Variants in UNC13B observed in about 807,000 individuals in gnomAD.
UNC13B encodes unc-13 homolog B, also known as protein unc-13 homolog B.
UNC13B carries 144 observed loss-of-function variants against 211.0 expected under a neutral mutation model. That is an observed-to-expected ratio of 0.68 (90% CI 0.60 to 0.78). The LOEUF (loss-of-function observed/expected upper bound fraction) is 0.78. Among genes scored for constraint, UNC13B ranks in the 30% least tolerant of loss-of-function variants. The probability of loss-of-function intolerance (pLI) is 0.00; values close to 1 mark genes in which losing one functional copy is unlikely to be tolerated. For missense variants in UNC13B, 1,777 were observed against 2,002.0 expected (o/e 0.89, Z 2.14); for synonymous variants, 709 against 725.8 (o/e 0.98, Z 0.37).
At chr9:35,396,089 A>C (rs1835854590) in intron 26 of UNC13B, among the ~76,000 whole-genome samples, 1 of 152,214 alleles carries the variant, frequency 6.6e-6, no homozygotes, top group African/African-American at 2.4e-5. Context: ...TACTGTGATC[A>C]GAAAGGCCCT....
chr9:35,195,937 T>C (rs1207472971), intron 1 of UNC13B, among the ~76,000 whole-genome samples: 1 of 152,228 alleles, frequency 6.6e-6, no homozygotes, highest in Non-Finnish European at 1.5e-5. Context: ...TATAGCTGAA[T>C]ATGCAAATTA....
chr9:35,187,068 C>A (rs1053691587), intron 1 of UNC13B, among the ~76,000 whole-genome samples: 1 of 152,138 alleles, frequency 6.6e-6, no homozygotes, highest in Non-Finnish European at 1.5e-5. Flanking sequence ...AATTCTCTGT[C>A]CGATATTCCG....
chr9:35,265,965 C>G (rs62543195), intron 7 of UNC13B, among the ~76,000 whole-genome samples: 1 of 152,092 alleles, frequency 6.6e-6, no homozygotes, highest in African/African-American at 2.4e-5. Context: ...GCTGGGACCA[C>G]AGTCATGTGT....
In UNC13B at chr9:35,237,740, C is replaced by T. The variant is rs140811719; in HGVS notation, c.308C>T (p.Thr103Met). Residue 103 changes from threonine to methionine, a missense_variant, in exon 5 of 40, where the codon ACG (threonine) becomes ATG (methionine). Thr to Met is a moderately conservative substitution (Grantham distance 81). Coordinates refer to ENST00000635942, the MANE Select transcript of UNC13B (RefSeq NM_001371189.2). ...PGEWSTLEAE[T>M]LMKDDEICGT... ...GAATGGTCCACATTAGAGGCAGAGACGTTAATGAAAGACGATGAGATCTGT... is the reference window on the plus strand; with the variant it reads ...GAATGGTCCACATTAGAGGCAGAGATGTTAATGAAAGACGATGAGATCTGT... 9.5e-5 allele frequency: 153 copies of T among 1,613,852 alleles called. 1 individual carries two copies. In the East Asian group the frequency reaches 1.8e-3, roughly 19 times the overall value.
chr9:35,328,598 C>CCCTTCCTTCCTTCCTT (rs34586347), intron 11 of UNC13B, among the ~76,000 whole-genome samples: 12 of 98,710 alleles, frequency 1.2e-4, no homozygotes, highest in Admixed American at 3.0e-4. Flanking sequence ...CTGAATTGTC[C>CCCTTCCTTCCTTCCTT]CCTTCCTTCC....
chr9:35,368,184 T>A (rs1833895792), intron 12 of UNC13B, among the ~76,000 whole-genome samples: 1 of 152,222 alleles, frequency 6.6e-6, no homozygotes, highest in Non-Finnish European at 1.5e-5. Context: ...TAACAATAGT[T>A]ATTTTTTCTG....
rs548043959 is a variant in UNC13B at position 35,357,705 on chromosome 9, T to G, written c.9415-9242T>G. 2.2e-3 allele frequency among the ~76,000 whole-genome samples: 339 copies of G among 152,046 alleles called. 2 individuals carry two copies. Among genetic ancestry groups the G allele is most frequent in the African/African-American group, 7.7e-3 (321 of 41,482 alleles). ...AAATTTGAGACCAGCCTGGCCAACA[T>G]AGTGAGACCTTGTCTTTACTAAAAA... On this transcript the variant is annotated intron_variant, in intron 11 of 39. Transcript: ENST00000635942.
chr9:35,268,415 C>T (rs536041960), intron 7 of UNC13B, among the ~76,000 whole-genome samples: 2 of 152,216 alleles, frequency 1.3e-5, no homozygotes, highest in Admixed American at 6.5e-5. Context: ...GTCAAGAGAT[C>T]GAGACCATCC....
At position 35,304,892 on chromosome 9, in the gene UNC13B, C is replaced by A; in HGVS notation, c.5488C>A (p.His1830Asn). ...AAGACAGATAGTATCCAATGTTCAG[C>A]ATCCAGAATTGATCAAAAATATAAG... ...SERQIVSNVQHPELIKNIRQE... is the reference protein window; with the variant it reads ...SERQIVSNVQNPELIKNIRQE... Residue 1830 changes from histidine (H) to asparagine (N), a missense_variant, in exon 9 of 40, where the codon CAT becomes AAT. Transcript: ENST00000635942. The A allele has an allele frequency of 2.5e-6, 1 of 398,962 alleles. No homozygotes were observed. The highest frequency in any genetic ancestry group is 1.3e-4 in the South Asian group (1 of 7,860). 24.7% of individuals were successfully genotyped at this position (398,962 alleles called of 1,614,324 possible).
chr9:35,176,645 G>T (rs1443630947), intron 1 of UNC13B, among the ~76,000 whole-genome samples: 1 of 152,178 alleles, frequency 6.6e-6, no homozygotes, highest in Non-Finnish European at 1.5e-5. Context: ...TTCCTTCTTG[G>T]AAGTTTATAT....
At chr9:35,296,476 C>T (rs12337082) in intron 8 of UNC13B, among the ~76,000 whole-genome samples, 3,948 of 152,290 alleles carry the variant, frequency 0.026, 173 homozygotes, top group African/African-American at 0.088. Flanking sequence ...CCTTCCTCCA[C>T]CCCATCTTCT....
intron 13 of UNC13B, among the ~76,000 whole-genome samples, chr9:35,370,852 TA>T (rs769769272): frequency 8.5e-5 from 13 of 152,222 alleles, no homozygotes; most frequent in Non-Finnish European, 1.3e-4. Flanking sequence ...ACTATCTCTG[TA>T]ACCTAGTGTC....
intron 1 of UNC13B, among the ~76,000 whole-genome samples, chr9:35,168,023 G>A (rs560260010): frequency 3.7e-4 from 55 of 150,450 alleles, no homozygotes; most frequent in Middle Eastern, 3.6e-3. Context: ...GGCTCAATCT[G>A]TCCTCCCATC....
At chr9:35,355,312 T>G (rs186661524) in intron 11 of UNC13B, among the ~76,000 whole-genome samples, 1 of 152,220 alleles carries the variant, frequency 6.6e-6, no homozygotes, top group East Asian at 1.9e-4. Context: ...ACAAATGGAA[T>G]GGGAGGGAGA....
intron 11 of UNC13B, among the ~76,000 whole-genome samples, chr9:35,329,774 G>A (rs1239598924): frequency 6.6e-6 from 1 of 152,078 alleles, no homozygotes; most frequent in Non-Finnish European, 1.5e-5. Flanking sequence ...CACCACGCCT[G>A]GTCAAAAATA....
At chr9:35,227,486 G>A (rs1564079202) in intron 1 of UNC13B, among the ~76,000 whole-genome samples, 1 of 152,118 alleles carries the variant, frequency 6.6e-6, no homozygotes, top group African/African-American at 2.4e-5. Context: ...TCCAGTGTGG[G>A]ATTCTTTCCT....
chr9:35,308,475 A>G (rs1313299808), intron 9 of UNC13B, 63 bp downstream of exon 9: 4 of 397,944 alleles, frequency 1.0e-5, no homozygotes, highest in Non-Finnish European at 1.8e-5. Context: ...GATGCAAGTG[A>G]CTTAGTGGTA....
chr9:35,251,351 C>T (rs1350508789), intron 6 of UNC13B, among the ~76,000 whole-genome samples: 1 of 152,104 alleles, frequency 6.6e-6, no homozygotes, highest in Non-Finnish European at 1.5e-5. Context: ...TCTGGGGGGG[C>T]CGAGGTGGTC....
intron 8 of UNC13B, among the ~76,000 whole-genome samples, chr9:35,298,360 A>G (rs1027827459): frequency 6.6e-6 from 1 of 152,174 alleles, no homozygotes; most frequent in Non-Finnish European, 1.5e-5. Flanking sequence ...GGTCGAAGCT[A>G]TAGTATGCCA....
Sources: gnomAD v4.1 joint callset for allele counts (sites outside exome capture counted in the v4.1 genomes callset) on GRCh38, gnomAD v4.1.1 for gene constraint, MANE v1.5 for transcripts, NCBI Gene and HGNC (gene_info 2026-07-23, HGNC 2026-07-21) for gene names.